The following ESRRB variants were observed in gnomAD, a reference collection of about 807,000 sequenced individuals.
ESRRB encodes steroid hormone receptor ERR2.
A neutral mutation model predicts 46.0 loss-of-function variants in ESRRB; 16 were observed. The observed-to-expected ratio is 0.35, with a 90% CI of 0.24 to 0.53. ESRRB has a LOEUF of 0.53. ESRRB is among the 20% of genes least tolerant of loss of function. The pLI, the probability that ESRRB is intolerant of heterozygous loss-of-function variation, is 0.93. For missense variants in ESRRB, 488 were observed against 607.4 expected (o/e 0.80, Z 2.07); for synonymous variants, 246 against 259.6 (o/e 0.95, Z 0.50).
At chr14:76,345,831 C>T (rs1233414743) in intron 1 of ESRRB, among the ~76,000 whole-genome samples, 1 of 152,220 alleles carries the variant, frequency 6.6e-6, no homozygotes, top group Non-Finnish European at 1.5e-5. Context: ...ACCTTCCGGG[C>T]TCTGTCTCAC....
intron 6 of ESRRB, among the ~76,000 whole-genome samples, chr14:76,496,025 G>A (rs1044188394): frequency 5.9e-5 from 9 of 152,190 alleles, no homozygotes; most frequent in African/African-American, 1.7e-4. Flanking sequence ...TGCTGGCTGA[G>A]TGTCTGGCAA....
intron 5 of ESRRB, 57 bp from the exon 6 acceptor site, chr14:76,491,390 G>C: frequency 6.3e-7 from 1 of 1,584,020 alleles, no homozygotes; most frequent in Non-Finnish European, 8.6e-7. Flanking sequence ...GCCCCAGGGA[G>C]GCCCCTGGTC....
At chr14:76,484,899 A>C (rs1482906201) in intron 5 of ESRRB, among the ~76,000 whole-genome samples, 1 of 152,176 alleles carries the variant, frequency 6.6e-6, no homozygotes, top group Non-Finnish European at 1.5e-5. Context: ...CCTTCACGGG[A>C]TTGCTGTGAG....
At chr14:76,396,066 G>A (rs1252145736) in intron 1 of ESRRB, among the ~76,000 whole-genome samples, 7 of 152,074 alleles carry the variant, frequency 4.6e-5, no homozygotes, top group Non-Finnish European at 7.4e-5. Flanking sequence ...CCAGCTACTC[G>A]GGAGGCTGAG....
intron 1 of ESRRB, among the ~76,000 whole-genome samples, chr14:76,385,931 T>C (rs574060790): frequency 6.6e-6 from 1 of 152,216 alleles, no homozygotes; most frequent in South Asian, 2.1e-4. Flanking sequence ...CAGGGTTGTT[T>C]TGAAGATTTA....
At chr14:76,407,617 C>T in intron 1 of ESRRB, 2 of 984,986 alleles carry the variant, frequency 2.0e-6, no homozygotes, top group Non-Finnish European at 2.4e-6. Flanking sequence ...TCCAGTCGGG[C>T]CAGCAGGGCC....
intron 1 of ESRRB, among the ~76,000 whole-genome samples, chr14:76,419,893 A>T (rs1197367660): frequency 1.3e-5 from 2 of 152,068 alleles, no homozygotes; most frequent in Non-Finnish European, 2.9e-5. Flanking sequence ...TCTGGGGTGG[A>T]TGTGGGCAGG....
At chr14:76,318,403 T>C (rs1212121752) in intron 1 of ESRRB, among the ~76,000 whole-genome samples, 2 of 152,080 alleles carry the variant, frequency 1.3e-5, no homozygotes, top group Admixed American at 6.6e-5. Flanking sequence ...TGAAGCAAAA[T>C]AAAAATCAGA....
At chr14:76,453,768 A>G (rs1370785729) in intron 2 of ESRRB, among the ~76,000 whole-genome samples, 1 of 151,294 alleles carries the variant, frequency 6.6e-6, no homozygotes, top group African/African-American at 2.4e-5. Flanking sequence ...ATGCCACCAC[A>G]CTCGGCTAAT....
At chr14:76,469,776 C>T (rs569663930) in intron 3 of ESRRB, among the ~76,000 whole-genome samples, 1 of 152,230 alleles carries the variant, frequency 6.6e-6, no homozygotes, top group African/African-American at 2.4e-5. Flanking sequence ...AACAAAACCT[C>T]CTAAAGGAAT....
At chr14:76,364,454 C>T (rs141502833) in intron 1 of ESRRB, among the ~76,000 whole-genome samples, 11,901 of 152,004 alleles carry the variant, frequency 0.078, 717 homozygotes, top group Admixed American at 0.19. Flanking sequence ...TTTGGGAGGC[C>T]GAGGTGGGTG....
upstream of ESRRB, among the ~76,000 whole-genome samples, chr14:76,367,949 C>CTTTTTTTTT (rs778235037): frequency 1.2e-4 from 11 of 95,282 alleles, no homozygotes; most frequent in Non-Finnish European, 1.4e-4. Flanking sequence ...TTCCAGTTTG[C>CTTTTTTTTT]TTTTTTTTTT....
chr14:76,417,035 G>A (rs1886735751), intron 1 of ESRRB, among the ~76,000 whole-genome samples: 1 of 152,160 alleles, frequency 6.6e-6, no homozygotes, highest in South Asian at 2.1e-4. Context: ...TGCTCAGGAG[G>A]CTGAGACAGG....
Position 76,482,246 on chromosome 14 carries a change from G to C in ESRRB, c.688+120G>C. On this transcript the variant is annotated intron_variant, in intron 4 of 6. Coordinates refer to ENST00000644823, the MANE Select transcript of ESRRB (RefSeq NM_001379180.1). The surrounding 1 kb of genome is among the most constrained non-coding windows in gnomAD (Gnocchi z 4.3). ...CATGAGACAATGTGGATCTTGGGGA[G>C]GTGACATCAGTGCCTGGCACATTTA... is the stretch of plus-strand genomic sequence containing the variant. 1.2e-6 allele frequency: 1 copy of C among 808,044 alleles called. No individual in the cohort carries two copies. The highest frequency in any genetic ancestry group is 1.4e-5 in the South Asian group (1 of 69,662). 50.1% of individuals were successfully genotyped at this position (808,044 alleles called of 1,614,324 possible).
chr14:76,470,608 C>T (rs1889340934), intron 3 of ESRRB, among the ~76,000 whole-genome samples: 1 of 152,208 alleles, frequency 6.6e-6, no homozygotes, highest in Admixed American at 6.5e-5. Context: ...GCTGTGTACC[C>T]AGCTAAAACG....
intron 3 of ESRRB, among the ~76,000 whole-genome samples, chr14:76,472,339 A>G (rs570200650): frequency 4.6e-5 from 7 of 152,330 alleles, no homozygotes; most frequent in Admixed American, 1.3e-4. Flanking sequence ...GCCCAGCATG[A>G]TAGCAGACAC....
At chr14:76,362,274 G>A (rs1333856748) in intron 1 of ESRRB, among the ~76,000 whole-genome samples, 3 of 152,214 alleles carry the variant, frequency 2.0e-5, no homozygotes, top group Admixed American at 6.5e-5. Context: ...GTCACAGATT[G>A]TCTCAGGGTC....
At chr14:76,377,018 G>A (rs2139790748) in intron 1 of ESRRB, among the ~76,000 whole-genome samples, 1 of 152,330 alleles carries the variant, frequency 6.6e-6, no homozygotes, top group East Asian at 1.9e-4. Context: ...CACGTGGCGC[G>A]GCGGATCCAG....
upstream of ESRRB, among the ~76,000 whole-genome samples, chr14:76,371,831 T>C (rs1161498132): frequency 6.6e-6 from 1 of 152,206 alleles, no homozygotes; most frequent in African/African-American, 2.4e-5. Flanking sequence ...TCCACCAGCT[T>C]CTGCTAAGTT....
Sources: gnomAD v4.1 joint callset for allele counts (sites outside exome capture counted in the v4.1 genomes callset) on GRCh38, gnomAD v4.1.1 for gene constraint, Gnocchi (gnomAD v3.1) non-coding constraint, MANE v1.5 for transcripts, NCBI Gene and HGNC (gene_info 2026-07-23, HGNC 2026-07-21) for gene names.